E2F5: variants seen among roughly 807,000 people sequenced by gnomAD.
E2F5 encodes the protein E2F transcription factor 5, also known as transcription factor E2F5.
E2F5 carries 23 observed loss-of-function variants against 39.1 expected under a neutral mutation model. The observed-to-expected ratio is 0.59, with a 90% CI of 0.42 to 0.83. The LOEUF is 0.83. E2F5 is among the 40% of genes least tolerant of loss of function. E2F5 has a pLI of 0.00. For synonymous variants in E2F5, 145 were observed against 157.8 expected (o/e 0.92, Z 0.61); for missense variants, 365 against 406.7 (o/e 0.90, Z 0.88).
intron 3 of E2F5, among the ~76,000 whole-genome samples, chr8:85,204,400 AT>A (rs1812757925): frequency 6.6e-6 from 1 of 151,882 alleles, no homozygotes; most frequent in African/African-American, 2.4e-5. Context: ...AGGGTCATGG[AT>A]GACGCTGGAA....
intron 1 of E2F5, among the ~76,000 whole-genome samples, chr8:85,188,133 A>G (rs537962667): frequency 1.3e-5 from 2 of 152,242 alleles, no homozygotes; most frequent in East Asian, 1.9e-4. Flanking sequence ...TATATCGTCT[A>G]TTGCTTAAAA....
At chr8:85,204,415 A>G (rs1054061142) in intron 3 of E2F5, among the ~76,000 whole-genome samples, 1 of 151,506 alleles carries the variant, frequency 6.6e-6, no homozygotes, top group African/African-American at 2.4e-5. Flanking sequence ...GCTGGAAACC[A>G]TCATTCTCAG....
rs752468168 is a variant in E2F5 at position 85,203,239 on chromosome 8, G to A, written c.490G>A (p.Asp164Asn). ...LQQSIKNVMD[D>N]SINNRFSYVT... ...GCAAAGCATCAAAAATGTGATGGAC[G>A]ATTCCATTAATAATAGATATCCTTT... The change falls in exon 3 of 8, where the codon GAT becomes AAT. Residue 164 changes from aspartate to asparagine, a missense_variant. By Grantham distance (23) the Asp-to-Asn change is conservative. Coordinates refer to ENST00000416274, the MANE Select transcript of E2F5 (RefSeq NM_001951.4). 3.8e-6 allele frequency: 6 copies of A among 1,594,936 alleles called. No individual in the cohort carries two copies. Among genetic ancestry groups the A allele is most frequent in the South Asian group, 2.3e-5 (2 of 86,508 alleles).
intron 2 of E2F5, 127 bp downstream of exon 2, chr8:85,202,383 A>G: frequency 1.5e-6 from 1 of 661,942 alleles, no homozygotes; most frequent in Non-Finnish European, 2.5e-6. Flanking sequence ...CTTTCCCTGA[A>G]CACACCTTTC....
At chr8:85,186,023 G>T (rs1481251580) in intron 1 of E2F5, among the ~76,000 whole-genome samples, 1 of 152,102 alleles carries the variant, frequency 6.6e-6, no homozygotes. Context: ...ACACCCAAAG[G>T]AGTATAAATC....
In E2F5 at chr8:85,214,273, CCAAA is replaced by C. The variant is rs1461393700; in HGVS notation, c.*414_*417del. On this transcript the variant is annotated 3_prime_UTR_variant, in exon 8 of 8. Coordinates refer to ENST00000416274, the MANE Select transcript of E2F5 (RefSeq NM_001951.4). Reference sequence around the variant, plus strand: ...CCTGTATTTCTGTATGTCCTTCTATCCAAACAGACGTTCACTGCCACTTGTAAAG... The same window carrying C: ...CCTGTATTTCTGTATGTCCTTCTATCCAGACGTTCACTGCCACTTGTAAAG... The C allele has an allele frequency of 1.8e-6, 1 of 567,446 alleles. No individual in the cohort carries two copies. The highest frequency in any genetic ancestry group is 3.3e-6 in the Non-Finnish European group (1 of 306,742). 35.2% of individuals were successfully genotyped at this position (567,446 alleles called of 1,614,324 possible).
chr8:85,180,511 C>CATATATATATATATATATAT (rs58188216), intron 1 of E2F5, among the ~76,000 whole-genome samples: 5 of 80,852 alleles, frequency 6.2e-5, no homozygotes, highest in African/African-American at 5.2e-5. Flanking sequence ...AGAAACTATA[C>CATATATATATATATATATAT]ATATATATAT....
intron 1 of E2F5, among the ~76,000 whole-genome samples, chr8:85,185,555 CTATCA>C (rs987345156): frequency 2.0e-5 from 3 of 152,192 alleles, no homozygotes; most frequent in African/African-American, 7.2e-5. Context: ...GCAAAAGAAA[CTATCA>C]TCAGAATGAA....
At chr8:85,181,575 G>T (rs1374871458) in intron 1 of E2F5, among the ~76,000 whole-genome samples, 1 of 145,388 alleles carries the variant, frequency 6.9e-6, no homozygotes, top group Admixed American at 7.0e-5. Flanking sequence ...TTCTGACCTC[G>T]TGATCCTCCC....
chr8:85,185,337 C>T (rs1812306870), intron 1 of E2F5, among the ~76,000 whole-genome samples: 1 of 152,094 alleles, frequency 6.6e-6, no homozygotes, highest in Non-Finnish European at 1.5e-5. Flanking sequence ...TGGAGCCCTT[C>T]CTTACACCTT....
At chr8:85,185,888 G>C (rs1812323474) in intron 1 of E2F5, among the ~76,000 whole-genome samples, 1 of 152,216 alleles carries the variant, frequency 6.6e-6, no homozygotes, top group Admixed American at 6.5e-5. Flanking sequence ...TGGAGAATTA[G>C]GAATGCTTTT....
chr8:85,195,988 T>G (rs897559615), intron 1 of E2F5, among the ~76,000 whole-genome samples: 2 of 152,142 alleles, frequency 1.3e-5, no homozygotes, highest in Non-Finnish European at 2.9e-5. Context: ...TTTTAAAAGT[T>G]TATACAAAGT....
chr8:85,205,231 C>T (rs1434506119), intron 3 of E2F5, among the ~76,000 whole-genome samples: 1 of 151,852 alleles, frequency 6.6e-6, no homozygotes, highest in East Asian at 1.9e-4. Flanking sequence ...TAGTGTTCTC[C>T]CCACCCTGCT....
intron 1 of E2F5, among the ~76,000 whole-genome samples, chr8:85,190,071 G>T (rs1446158577): frequency 6.6e-6 from 1 of 152,158 alleles, no homozygotes; most frequent in Non-Finnish European, 1.5e-5. Flanking sequence ...ACACCTACAA[G>T]ATCCTGCCTA....
At chr8:85,199,615 A>G (rs990155529) in intron 1 of E2F5, among the ~76,000 whole-genome samples, 3 of 152,178 alleles carry the variant, frequency 2.0e-5, no homozygotes, top group Non-Finnish European at 4.4e-5. Context: ...ATTAGTTTTT[A>G]AAGAATTCAC....
chr8:85,181,417 G>A (rs1417939019), intron 1 of E2F5, among the ~76,000 whole-genome samples: 2 of 151,052 alleles, frequency 1.3e-5, no homozygotes, highest in Non-Finnish European at 2.9e-5. Flanking sequence ...TGCAAGCTCC[G>A]CCTCCTGGGT....
intron 7 of E2F5, 57 bp downstream of exon 7, chr8:85,212,261 T>C: frequency 1.6e-6 from 2 of 1,239,272 alleles, no homozygotes; most frequent in African/African-American, 1.5e-5. Context: ...GTGGAATTTA[T>C]AAGTGAAACA....
intron 1 of E2F5, among the ~76,000 whole-genome samples, chr8:85,178,877 T>C (rs1003246634): frequency 6.6e-6 from 1 of 152,248 alleles, no homozygotes; most frequent in East Asian, 1.9e-4. Flanking sequence ...CAATCAGTGA[T>C]TGTTGAACTG....
At chr8:85,210,396 G>A (rs1812890191) in intron 6 of E2F5, among the ~76,000 whole-genome samples, 1 of 152,082 alleles carries the variant, frequency 6.6e-6, no homozygotes, top group Non-Finnish European at 1.5e-5. Context: ...AGGTAGTGCT[G>A]GCTGGGCGTG....
Sources: allele counts gnomAD v4.1 joint callset (sites outside exome capture counted in the v4.1 genomes callset), GRCh38; gene constraint gnomAD v4.1.1; transcripts MANE v1.5; gene names NCBI Gene and HGNC (gene_info 2026-07-23, HGNC 2026-07-21).